Variants in ZFHX3 observed in about 807,000 individuals in gnomAD.
ZFHX3 encodes the protein zinc finger homeobox protein 3.
In ZFHX3, 42 loss-of-function variants were observed where a neutral mutation model predicts 279.1. The observed-to-expected ratio is 0.15, with a 90% CI of 0.12 to 0.19. The LOEUF (loss-of-function observed/expected upper bound fraction) is 0.19. Ranked by LOEUF, ZFHX3 falls within the 10% of genes least tolerant of loss-of-function variation. ZFHX3 has a pLI of 1.00. For synonymous variants in ZFHX3, 2,293 were observed against 1,957.8 expected, an observed-to-expected ratio of 1.17 and a Z score of -4.52; for missense variants, 4,981 against 4,754.0, an observed-to-expected ratio of 1.05 and a Z score of -1.40.
chr16:73,371,218 A>T (rs1207013727), intron 3 of ZFHX3, among the ~76,000 whole-genome samples: 2 of 151,552 alleles, frequency 1.3e-5, no homozygotes, highest in South Asian at 4.2e-4. Context: ...GAGGCAGGAG[A>T]ATCACTTGAG....
At chr16:73,339,922 C>A (rs959838125) in intron 3 of ZFHX3, among the ~76,000 whole-genome samples, 1 of 152,136 alleles carries the variant, frequency 6.6e-6, no homozygotes, top group African/African-American at 2.4e-5. Flanking sequence ...CAGCAGTGCT[C>A]GACAAACCCA....
chr16:72,996,119 C>A (rs1335353029), intron 1 of ZFHX3, among the ~76,000 whole-genome samples: 1 of 151,770 alleles, frequency 6.6e-6, no homozygotes, highest in Non-Finnish European at 1.5e-5. Flanking sequence ...CACACACACA[C>A]ACACACACAC....
Position 72,787,774 on chromosome 16 carries a change from A to C in ZFHX3, c.10502T>G (p.Val3501Gly), listed in dbSNP as rs1437301047. 2 of 1,519,592 alleles carry C rather than the reference A, an allele frequency of 1.3e-6. No homozygotes were observed. The highest frequency in any genetic ancestry group is 1.8e-6 in the Non-Finnish European group (2 of 1,133,190). 94.1% of individuals were successfully genotyped at this position (1,519,592 alleles called of 1,614,324 possible). Residue 3501 changes from valine (V) to glycine (G), a missense_variant, in exon 10 of 10, where the codon GTG becomes GGG. Val to Gly is a moderately radical substitution (Grantham distance 109). This residue lies in a region of ZFHX3 where 1,034 missense variants were observed against 786.0 expected (regional missense o/e 1.32). Coordinates refer to ENST00000268489, the MANE Select transcript of ZFHX3 (RefSeq NM_006885.4). ...GCCGCCGCCGGTGGGGACGTGAAGC[A>C]CCATCTCTTGCAGGTTCACCACAGA... ...GQSVVNLQEM[V>G]LHVPTGGGGG... is the part of the protein sequence containing the mutation.
At chr16:73,238,462 A>G (rs2144940519) in intron 5 of ZFHX3, among the ~76,000 whole-genome samples, 1 of 151,736 alleles carries the variant, frequency 6.6e-6, no homozygotes, top group Middle Eastern at 3.4e-3. Context: ...CTGCTCTTCA[A>G]ATTCTCTCAT....
At chr16:73,483,736 G>C (rs1012644796) in intron 2 of ZFHX3, among the ~76,000 whole-genome samples, 1 of 152,074 alleles carries the variant, frequency 6.6e-6, no homozygotes, top group Admixed American at 6.5e-5. Context: ...ACACAGTTTC[G>C]CTATTGTGGA....
At chr16:73,241,730 C>T (rs764791694) in intron 5 of ZFHX3, among the ~76,000 whole-genome samples, 7 of 125,928 alleles carry the variant, frequency 5.6e-5, no homozygotes, top group East Asian at 2.7e-4. Flanking sequence ...GCGGAGGTTG[C>T]GGTGAAGCAA....
intron 1 of ZFHX3, among the ~76,000 whole-genome samples, chr16:72,989,009 C>T (rs1021459721): frequency 2.6e-5 from 4 of 151,934 alleles, no homozygotes; most frequent in African/African-American, 9.7e-5. Context: ...GACCCCATCT[C>T]TACAAAAAAT....
intron 1 of ZFHX3, among the ~76,000 whole-genome samples, chr16:73,738,767 G>T (rs143595279): frequency 6.6e-6 from 1 of 152,160 alleles, no homozygotes; most frequent in Non-Finnish European, 1.5e-5. Flanking sequence ...TCTTTGGCCA[G>T]TTTGCACTCA....
intron 3 of ZFHX3, among the ~76,000 whole-genome samples, chr16:72,926,641 G>A (rs1312477280): frequency 6.6e-6 from 1 of 152,090 alleles, no homozygotes; most frequent in East Asian, 1.9e-4. Context: ...TGGGAGATAG[G>A]TCCCGACCAC....
At chr16:73,678,869 G>A (rs2052981646) in intron 2 of ZFHX3, among the ~76,000 whole-genome samples, 1 of 152,088 alleles carries the variant, frequency 6.6e-6, no homozygotes, top group Non-Finnish European at 1.5e-5. Flanking sequence ...TCTCGTTGTT[G>A]GAAAATTCAA....
intron 3 of ZFHX3, among the ~76,000 whole-genome samples, chr16:73,320,807 G>A (rs908664772): frequency 2.0e-5 from 3 of 152,126 alleles, no homozygotes; most frequent in Non-Finnish European, 4.4e-5. Context: ...ATGGCTGACT[G>A]TGCTTTATTT....
intron 3 of ZFHX3, among the ~76,000 whole-genome samples, chr16:72,906,746 C>A (rs1360204067): frequency 1.3e-5 from 2 of 152,082 alleles, no homozygotes; most frequent in African/African-American, 4.8e-5. Flanking sequence ...TACAGTGAGC[C>A]GAGATCATGC....
rs192992180 is a variant in ZFHX3 at position 72,906,536 on chromosome 16, C to T, written c.3217-16574G>A. ...GCTGGCCGGGCATGGTGGCTCACAC[C>T]TATAAATCCCAGCACTATGGGAGGC... On this transcript the variant is annotated intron_variant, in intron 3 of 9. Coordinates refer to ENST00000268489, the MANE Select transcript of ZFHX3 (RefSeq NM_006885.4). Among the ~76,000 whole-genome samples, 160 of 152,274 alleles carry T rather than the reference C, an allele frequency of 1.1e-3. 1 individual carries two copies. In the Middle Eastern group the frequency reaches 0.027, roughly 26 times the overall value.
At chr16:73,120,748 G>A (rs533289995) in intron 7 of ZFHX3, among the ~76,000 whole-genome samples, 13 of 142,850 alleles carry the variant, frequency 9.1e-5, no homozygotes, top group Non-Finnish European at 1.6e-4. Context: ...TCCACCTCCC[G>A]GGTTCAAGTG....
chr16:73,064,864 C>A (rs528509972), intron 8 of ZFHX3, among the ~76,000 whole-genome samples: 1 of 152,242 alleles, frequency 6.6e-6, no homozygotes, highest in Non-Finnish European at 1.5e-5. Context: ...GGGTTCCACA[C>A]CGCCTGCACC....
intron 5 of ZFHX3, among the ~76,000 whole-genome samples, chr16:73,146,843 T>C (rs2144841003): frequency 6.6e-6 from 1 of 152,180 alleles, no homozygotes; most frequent in East Asian, 1.9e-4. Flanking sequence ...TTTTTGTAGA[T>C]GTGGAATTTC....
intron 1 of ZFHX3, among the ~76,000 whole-genome samples, chr16:73,714,164 A>T (rs1209244402): frequency 6.6e-6 from 1 of 152,174 alleles, no homozygotes; most frequent in African/African-American, 2.4e-5. Context: ...GGTGACCCAC[A>T]TCAGTAGGTT....
intron 2 of ZFHX3, among the ~76,000 whole-genome samples, chr16:73,569,595 A>G (rs1238518202): frequency 6.6e-6 from 1 of 152,122 alleles, no homozygotes; most frequent in Non-Finnish European, 1.5e-5. Context: ...GACTGAGCTA[A>G]ATGAATCCAC....
chr16:73,015,601 G>A (rs1964074494), intron 1 of ZFHX3: 1 of 152,184 alleles, frequency 6.6e-6, no homozygotes, highest in African/African-American at 2.4e-5. Flanking sequence ...ATTCACAAAA[G>A]CCAGGCCGAG....
Sources: gnomAD v4.1 joint callset for allele counts (sites outside exome capture counted in the v4.1 genomes callset) on GRCh38, gnomAD v4.1.1 for gene constraint, gnomAD v4.1.1 regional missense constraint, MANE v1.5 for transcripts, NCBI Gene and HGNC (gene_info 2026-07-23, HGNC 2026-07-21) for gene names.